NAXD: variants seen among roughly 807,000 people sequenced by gnomAD.
NAXD encodes the protein NAD(P)HX dehydratase.
Under a neutral mutation model 35.8 loss-of-function variants are expected in NAXD, and 22 were observed. That is an observed-to-expected ratio of 0.62 (90% CI 0.44 to 0.88). NAXD has a LOEUF of 0.88. Ranked by LOEUF, NAXD falls within the 40% of genes least tolerant of loss-of-function variation. NAXD has a pLI of 0.00. For missense variants in NAXD, 428 were observed against 437.7 expected (o/e 0.98, Z 0.20); for synonymous variants, 189 against 177.6 (o/e 1.06, Z -0.51).
chr13:110,629,408 C>A (rs1886624047), intron 5 of NAXD, among the ~76,000 whole-genome samples: 1 of 152,210 alleles, frequency 6.6e-6, no homozygotes, highest in Non-Finnish European at 1.5e-5. Context: ...CCATGATCAA[C>A]CTTAGAATAT....
intron 8 of NAXD, among the ~76,000 whole-genome samples, 196 bp from the exon 9 acceptor site, chr13:110,636,933 C>A (rs1594186413): frequency 6.6e-6 from 1 of 152,244 alleles, no homozygotes; most frequent in African/African-American, 2.4e-5. Context: ...TTGGTTTCCT[C>A]TTCTGTAAAA....
At chr13:110,632,514 A>G (rs1447935698) in intron 5 of NAXD, among the ~76,000 whole-genome samples, 5 of 152,136 alleles carry the variant, frequency 3.3e-5, no homozygotes, top group Admixed American at 6.5e-5. Context: ...TTGTCAGGGC[A>G]CTGATTGGTG....
intron 5 of NAXD, among the ~76,000 whole-genome samples, chr13:110,633,841 T>C (rs566712047): frequency 1.4e-4 from 21 of 152,336 alleles, no homozygotes; most frequent in African/African-American, 5.0e-4. Context: ...TTATTGTTGT[T>C]ATTTTAAAAC....
chr13:110,621,969 G>T (rs142503147), intron 1 of NAXD, among the ~76,000 whole-genome samples: 2,610 of 152,018 alleles, frequency 0.017, 83 homozygotes, highest in African/African-American at 0.06. Flanking sequence ...GGCAGAGGTT[G>T]CAGTGAGCTG....
intron 8 of NAXD, among the ~76,000 whole-genome samples, chr13:110,636,219 G>T (rs1472060995): frequency 6.6e-6 from 1 of 152,254 alleles, no homozygotes; most frequent in Non-Finnish European, 1.5e-5. Context: ...ATTCAGGCCT[G>T]GACAGATGAT....
chr13:110,622,365 G>C lies in NAXD; in HGVS notation c.196G>C (p.Glu66Gln). ...GRIGVVGGCQ[E>Q]YTGAPYFAAI... ...AATAGGCGTAGTTGGAGGCTGTCAG[G>C]AGTAAGTAGCTGATGTGCAGTGTTG... The change falls in exon 2 of 10, where the codon GAG (glutamate) becomes CAG (glutamine). Residue 66 changes from glutamate to glutamine, a missense_variant and splice_region_variant. Transcript: ENST00000680254. 1 of 1,614,032 alleles carries C rather than the reference G, an allele frequency of 6.2e-7. No individual in the cohort carries two copies. Among genetic ancestry groups the C allele is most frequent in the Non-Finnish European group, 8.5e-7 (1 of 1,179,916 alleles).
Position 110,638,501 on chromosome 13 carries a change from C to T in NAXD, c.963C>T (p.Ala321=), listed in dbSNP as rs754697888. ...TTSDMIAEVG[A]AFSKLFET ...CCGACATGATCGCCGAGGTGGGGGC[C>T]GCCTTCAGCAAGCTCTTTGAAACCT... Residue 321 remains alanine, a synonymous_variant, in exon 10 of 10, where the codon GCC becomes GCT. Coordinates refer to ENST00000680254, the MANE Select transcript of NAXD (RefSeq NM_001242882.2). The surrounding 1 kb of genome is among the most constrained non-coding windows in gnomAD (Gnocchi z 5.4). The T allele has an allele frequency of 7.4e-6, 12 of 1,612,748 alleles. No individual in the cohort carries two copies. The highest frequency in any genetic ancestry group is 1.7e-5 in the Admixed American group (1 of 59,968).
intron 1 of NAXD, among the ~76,000 whole-genome samples, chr13:110,617,826 A>G (rs1157526980): frequency 6.6e-6 from 1 of 152,176 alleles, no homozygotes; most frequent in Non-Finnish European, 1.5e-5. Flanking sequence ...CTTATCTGTA[A>G]AAGAAAGATA....
At chr13:110,632,666 T>C (rs1886751259) in intron 5 of NAXD, among the ~76,000 whole-genome samples, 1 of 152,088 alleles carries the variant, frequency 6.6e-6, no homozygotes, top group Non-Finnish European at 1.5e-5. Context: ...TCACAAACCC[T>C]GAGTTAGACA....
chr13:110,622,456 C>T (rs1886306729), intron 2 of NAXD, 90 bp downstream of exon 2: 1 of 1,341,034 alleles, frequency 7.5e-7, no homozygotes, highest in Non-Finnish European at 1.0e-6. Context: ...CTAGTTTGAC[C>T]TCAGTAATCA....
At chr13:110,626,424 G>A (rs928642393) in intron 4 of NAXD, among the ~76,000 whole-genome samples, 1 of 152,044 alleles carries the variant, frequency 6.6e-6, no homozygotes, top group Admixed American at 6.5e-5. Context: ...GGTGTAGGGC[G>A]CAGTTTGGCT....
At chr13:110,635,432 A>T (rs757326477) in intron 7 of NAXD, 36 bp from the exon 8 acceptor site, 2 of 1,606,532 alleles carry the variant, frequency 1.2e-6, no homozygotes, top group East Asian at 4.5e-5. Flanking sequence ...TCTGAGGAAG[A>T]CTTTGCTTTT....
chr13:110,615,883 G>A (rs1372700286), intron 1 of NAXD: 6 of 930,094 alleles, frequency 6.5e-6, no homozygotes, highest in Non-Finnish European at 8.5e-6. Context: ...GGAGTAGGGA[G>A]AGGACGGAGG....
At chr13:110,619,530 A>G (rs1886183022) in intron 1 of NAXD, among the ~76,000 whole-genome samples, 1 of 152,216 alleles carries the variant, frequency 6.6e-6, no homozygotes. Context: ...CACAATTTAT[A>G]TTTTATATGA....
intron 7 of NAXD, 25 bp downstream of exon 7, chr13:110,634,801 G>T (rs1480053105): frequency 1.9e-6 from 3 of 1,555,030 alleles, no homozygotes; most frequent in Non-Finnish European, 2.7e-6. Flanking sequence ...CCCCTGGAGG[G>T]TAGATGCAAG....
intron 1 of NAXD, among the ~76,000 whole-genome samples, chr13:110,618,087 C>T (rs374247001): frequency 2.0e-5 from 3 of 152,070 alleles, no homozygotes; most frequent in Admixed American, 2.0e-4. Flanking sequence ...TCTGTGTGCT[C>T]GAAAGGTTTC....
rs1239526814 is a variant in NAXD, at chr13:110,615,576, C to A, written c.-26C>A. The A allele has an allele frequency of 7.4e-7, 1 of 1,344,596 alleles. No individual in the cohort carries two copies. Among genetic ancestry groups the A allele is most frequent in the Admixed American group, 3.8e-5 (1 of 26,444 alleles). 83.3% of individuals were successfully genotyped at this position (1,344,596 alleles called of 1,614,324 possible). A position where few individuals can be genotyped will look rare whatever the true frequency, so the allele number is the denominator to read the frequency against. ...TGTGTTTCCGGCGACGGCGCGGGGG[C>A]AGCTGGGAATCCGGAATGCTGCCCG... On this transcript the variant is annotated 5_prime_UTR_variant, in exon 1 of 10. Transcript: ENST00000680254.
intron 5 of NAXD, among the ~76,000 whole-genome samples, chr13:110,632,260 G>A (rs543126741): frequency 1.3e-5 from 2 of 151,958 alleles, no homozygotes; most frequent in African/African-American, 2.4e-5. Flanking sequence ...CGGTGGGCTC[G>A]TGGTCTCGCT....
At chr13:110,633,735 ATG>A (rs1253904232) in intron 5 of NAXD, among the ~76,000 whole-genome samples, 2 of 151,962 alleles carry the variant, frequency 1.3e-5, no homozygotes. Flanking sequence ...TATTACATAT[ATG>A]TGTGTGTATC....
Sources: allele counts gnomAD v4.1 joint callset (sites outside exome capture counted in the v4.1 genomes callset), GRCh38; gene constraint gnomAD v4.1.1; non-coding constraint Gnocchi (gnomAD v3.1); transcripts MANE v1.5; gene names NCBI Gene and HGNC (gene_info 2026-07-23, HGNC 2026-07-21).